TBC1D30: variants seen among roughly 807,000 people sequenced by gnomAD.
TBC1D30 encodes TBC1 domain family, member 30.
In TBC1D30, 31 loss-of-function variants were observed where a neutral mutation model predicts 63.2. The ratio of observed to expected loss-of-function variants is 0.49; its 90% CI spans 0.37 to 0.66. TBC1D30 has a LOEUF of 0.66. TBC1D30 is among the 30% of genes least tolerant of loss of function. TBC1D30 has a pLI of 0.00. For missense variants in TBC1D30, 810 were observed against 953.6 expected (o/e 0.85, Z 1.98); for synonymous variants, 307 against 361.5 (o/e 0.85, Z 1.71).
intron 5 of TBC1D30, among the ~76,000 whole-genome samples, chr12:64,834,859 T>TGAA (rs1418140882): frequency 6.6e-6 from 1 of 151,988 alleles, no homozygotes; most frequent in Non-Finnish European, 1.5e-5. Flanking sequence ...GTATGATAAT[T>TGAA]GAAGAATTTT....
At chr12:64,817,455 C>T (rs1437327667) in intron 2 of TBC1D30, among the ~76,000 whole-genome samples, 1 of 152,184 alleles carries the variant, frequency 6.6e-6, no homozygotes, top group Non-Finnish European at 1.5e-5. Context: ...TGCGTTGCCT[C>T]CTGGAGGGTC....
intron 8 of TBC1D30, among the ~76,000 whole-genome samples, chr12:64,850,454 A>C (rs1023294563): frequency 1.3e-5 from 2 of 152,208 alleles, no homozygotes. Flanking sequence ...CATTCCATCA[A>C]TACCTAGTTT....
At chr12:64,780,956 G>C in exon 1 of TBC1D30, 1 of 1,057,500 alleles carries the variant, frequency 9.5e-7, no homozygotes, top group Non-Finnish European at 1.2e-6. Flanking sequence ...GGGAGCGGCG[G>C]AGCGGCCGCG....
At chr12:64,823,748 C>T (rs1874038322), upstream of TBC1D30, among the ~76,000 whole-genome samples, 1 of 152,158 alleles carries the variant, frequency 6.6e-6, no homozygotes, top group African/African-American at 2.4e-5. Flanking sequence ...CCTCAGCCTG[C>T]CAAGTAGCTG....
chr12:64,769,472 G>T (rs1010363360), intron 1 of TBC1D30, among the ~76,000 whole-genome samples: 3 of 151,828 alleles, frequency 2.0e-5, no homozygotes, highest in Admixed American at 1.3e-4. Flanking sequence ...CCACCTCCCG[G>T]ATTCAAGCAA....
At chr12:64,768,893 A>C (rs1271420752) in intron 1 of TBC1D30, among the ~76,000 whole-genome samples, 1 of 152,174 alleles carries the variant, frequency 6.6e-6, no homozygotes, top group Non-Finnish European at 1.5e-5. Context: ...GTGGTGGCTC[A>C]TGACTGTAAT....
At chr12:64,786,866 C>T (rs1270629811) in intron 2 of TBC1D30, among the ~76,000 whole-genome samples, 1 of 151,660 alleles carries the variant, frequency 6.6e-6, no homozygotes, top group Non-Finnish European at 1.5e-5. Context: ...TCACTTGAAC[C>T]TGGGAGGCAG....
At chr12:64,777,377 A>G (rs568260666), upstream of TBC1D30, among the ~76,000 whole-genome samples, 1 of 152,320 alleles carries the variant, frequency 6.6e-6, no homozygotes, top group East Asian at 1.9e-4. Context: ...TCAGCCCAAA[A>G]GCTTCTTAAG....
intron 2 of TBC1D30, among the ~76,000 whole-genome samples, chr12:64,787,869 C>G (rs1871687505): frequency 6.6e-6 from 1 of 152,112 alleles, no homozygotes; most frequent in Non-Finnish European, 1.5e-5. Flanking sequence ...AACCCCATCT[C>G]TACTAAAAAT....
In TBC1D30 at chr12:64,875,488, C is replaced by A. The variant is rs747056702; in HGVS notation, c.1986C>A (p.Asn662Lys). Residue 662 changes from asparagine to lysine, a missense_variant, in exon 12 of 12, where the codon AAC becomes AAA. Coordinates refer to ENST00000539867, the MANE Select transcript of TBC1D30 (RefSeq NM_015279.2). The part of the protein sequence containing the change: ...VQAKLGALEL[N>K]QRDAAAETEL... Reference sequence around the variant, plus strand: ...CGAAGTTGGGAGCCCTGGAACTGAACCAGAGGGATGCTGCAGCTGAAACTG... The same window carrying A: ...CGAAGTTGGGAGCCCTGGAACTGAAACAGAGGGATGCTGCAGCTGAAACTG... The A allele has an allele frequency of 5.9e-6, 9 of 1,536,030 alleles. No homozygotes were observed. Among genetic ancestry groups the A allele is most frequent in the Non-Finnish European group, 6.1e-6 (7 of 1,146,918 alleles).
chr12:64,869,096 G>T (rs988018730), intron 10 of TBC1D30, among the ~76,000 whole-genome samples: 1 of 151,732 alleles, frequency 6.6e-6, no homozygotes, highest in Non-Finnish European at 1.5e-5. Flanking sequence ...TTTTCTTTTA[G>T]GATATTTATT....
upstream of TBC1D30, among the ~76,000 whole-genome samples, chr12:64,821,360 CA>C (rs1318759749): frequency 1.3e-5 from 2 of 152,210 alleles, no homozygotes; most frequent in African/African-American, 4.8e-5. Flanking sequence ...GTCACAGCCC[CA>C]GGGGCAGGAC....
chr12:64,840,609 G>A (rs138580092), intron 7 of TBC1D30, among the ~76,000 whole-genome samples: 28 of 152,258 alleles, frequency 1.8e-4, no homozygotes, highest in Middle Eastern at 3.4e-3. Context: ...TATAAAGTAC[G>A]CACTGTTGTC....
chr12:64,848,798 G>C (rs1449489717), intron 8 of TBC1D30, among the ~76,000 whole-genome samples: 1 of 152,188 alleles, frequency 6.6e-6, no homozygotes, highest in South Asian at 2.1e-4. Flanking sequence ...CCAGTAATGG[G>C]ATTGCTGGGT....
Position 64,866,780 on chromosome 12 carries a change from A to G in TBC1D30, c.1168A>G (p.Arg390Gly). 1 of 1,536,634 alleles carries G rather than the reference A, an allele frequency of 6.5e-7. No homozygotes were observed. Among genetic ancestry groups the G allele is most frequent in the South Asian group, 1.2e-5 (1 of 84,044 alleles). The change falls in exon 10 of 12, where the codon AGA (arginine) becomes GGA (glycine). Residue 390 changes from arginine to glycine, a missense_variant. Physicochemically the swap from Arg to Gly is moderately radical, Grantham distance 125. Coordinates refer to ENST00000539867, the MANE Select transcript of TBC1D30 (RefSeq NM_015279.2). ...TTTTCCAAGACGACATAGTAAGGCC[A>G]GAGACAGTGATGAAGAGAATGACCC... ...TSVSGRHSKA[R>G]DSDEENDPDD...
At chr12:64,777,236 T>C (rs968617744), upstream of TBC1D30, among the ~76,000 whole-genome samples, 2 of 152,060 alleles carry the variant, frequency 1.3e-5, no homozygotes, top group Non-Finnish European at 2.9e-5. Context: ...CTATTCAACA[T>C]AGTATTGGAA....
intron 3 of TBC1D30, 75 bp from the exon 4 acceptor site, chr12:64,830,302 C>T (rs1874732146): frequency 7.2e-7 from 1 of 1,391,118 alleles, no homozygotes; most frequent in South Asian, 1.5e-5. Flanking sequence ...TTGTCGAATG[C>T]AATAACTACT....
intron 2 of TBC1D30, among the ~76,000 whole-genome samples, chr12:64,803,244 C>T (rs1872685878): frequency 6.6e-6 from 1 of 152,206 alleles, no homozygotes; most frequent in Non-Finnish European, 1.5e-5. Flanking sequence ...TCTATGATGG[C>T]TAGCGATGAT....
Position 64,865,211 on chromosome 12 carries a change from G to A in TBC1D30, c.1151+431G>A, listed in dbSNP as rs187747900. ...TTGGTAAATGGTGATGGGCTAATGA[G>A]AACTAATTTGGAAAGAAAATGAGAG... is the stretch of plus-strand genomic sequence containing the variant. On this transcript the variant is annotated intron_variant, in intron 9 of 11. Coordinates refer to ENST00000539867, the MANE Select transcript of TBC1D30 (RefSeq NM_015279.2). Among the ~76,000 whole-genome samples, 5 of 148,872 alleles carry A rather than the reference G, an allele frequency of 3.4e-5. No homozygotes were observed. The Admixed American group carries it at 3.4e-4, about 10-fold the overall frequency.
Sources: allele counts gnomAD v4.1 joint callset (sites outside exome capture counted in the v4.1 genomes callset), GRCh38; gene constraint gnomAD v4.1.1; transcripts MANE v1.5; gene names NCBI Gene and HGNC (gene_info 2026-07-23, HGNC 2026-07-21).